Variants in PCBP3 observed in about 807,000 individuals in gnomAD.
PCBP3 encodes the protein poly(rC) binding protein 3.
In PCBP3, 25 loss-of-function variants were observed where a neutral mutation model predicts 52.7. That is an observed-to-expected ratio of 0.47 (90% confidence interval 0.35 to 0.66). PCBP3 has a LOEUF of 0.66. Ranked by LOEUF, PCBP3 falls within the 30% of genes least tolerant of loss-of-function variation. The pLI, the probability that PCBP3 is intolerant of heterozygous loss-of-function variation, is 0.01. For synonymous variants in PCBP3, 162 were observed against 183.0 expected, an observed-to-expected ratio of 0.89 and a Z score of 0.93; for missense variants, 391 against 490.3, an observed-to-expected ratio of 0.80 and a Z score of 1.91.
intron 4 of PCBP3, among the ~76,000 whole-genome samples, chr21:45,790,340 G>A (rs890912039): frequency 5.3e-5 from 8 of 152,086 alleles, no homozygotes; most frequent in African/African-American, 9.7e-5. Flanking sequence ...TGACTGCGGG[G>A]CTCTAGGCCC....
intron 2 of PCBP3, among the ~76,000 whole-genome samples, chr21:45,719,090 T>G (rs1455332786): frequency 6.6e-6 from 1 of 152,144 alleles, no homozygotes; most frequent in African/African-American, 2.4e-5. Flanking sequence ...AATTTCCGTC[T>G]TGGGTTAACC....
In PCBP3 at chr21:45,704,464, G is replaced by A. The variant is rs776179967; in HGVS notation, c.-199-30928G>A. ...CGGGCCAGCTGCAGACTGGGAGGCC[G>A]CAGCGTCTGCCCCCATTTTCCTGCT... is the stretch of plus-strand genomic sequence containing the variant. On this transcript the variant is annotated intron_variant, in intron 2 of 17. Coordinates refer to ENST00000681687, the MANE Select transcript of PCBP3 (RefSeq NM_001384156.1). This position sits in a 1 kb window ranked among gnomAD's most constrained non-coding sequence, Gnocchi z 4.1. Among the ~76,000 whole-genome samples, 33 of 152,298 alleles carry A rather than the reference G, an allele frequency of 2.2e-4. No homozygotes were observed. The highest frequency in any genetic ancestry group is 6.5e-4 in the Admixed American group (10 of 15,298).
At chr21:45,671,495 A>T (rs973195158) in intron 2 of PCBP3, among the ~76,000 whole-genome samples, 1 of 152,238 alleles carries the variant, frequency 6.6e-6, no homozygotes, top group African/African-American at 2.4e-5. Context: ...GATAAACATC[A>T]GTTCTTGGTC....
At chr21:45,644,701 G>A (rs2079142855) in intron 1 of PCBP3, among the ~76,000 whole-genome samples, 1 of 152,120 alleles carries the variant, frequency 6.6e-6, no homozygotes, top group Non-Finnish European at 1.5e-5. Flanking sequence ...TGAGCCAGTA[G>A]CACTCTTAGT....
chr21:45,801,246 G>A (rs1156450750), intron 4 of PCBP3, among the ~76,000 whole-genome samples: 3 of 152,350 alleles, frequency 2.0e-5, no homozygotes, highest in East Asian at 3.9e-4. Flanking sequence ...GCCTTGTGGG[G>A]ACCCTGGCTG....
At chr21:45,910,336 G>A (rs2096361579) in intron 10 of PCBP3, among the ~76,000 whole-genome samples, 1 of 151,622 alleles carries the variant, frequency 6.6e-6, no homozygotes, top group Admixed American at 6.6e-5. Flanking sequence ...ATGGTTCTGG[G>A]CAAGGGAGGC....
At chr21:45,765,508 C>T (rs941450641) in intron 4 of PCBP3, among the ~76,000 whole-genome samples, 1 of 152,234 alleles carries the variant, frequency 6.6e-6, no homozygotes, top group East Asian at 1.9e-4. Flanking sequence ...GCTCTCCCGG[C>T]GGGCTGGGCC....
chr21:45,760,341 A>C (rs2088510597), intron 4 of PCBP3: 1 of 152,180 alleles, frequency 6.6e-6, no homozygotes, highest in East Asian at 1.9e-4. Flanking sequence ...ATGCCTGGCT[A>C]CTAAAAGCAT....
At chr21:45,868,227 CT>C (rs1470040288) in intron 5 of PCBP3, among the ~76,000 whole-genome samples, 2 of 152,178 alleles carry the variant, frequency 1.3e-5, no homozygotes, top group African/African-American at 4.8e-5. Context: ...AGGAGAGAGC[CT>C]AGGGACAGGG....
intron 15 of PCBP3, 130 bp downstream of exon 15, chr21:45,930,975 G>A (rs141639533): frequency 0.011 from 14,902 of 1,324,958 alleles, 120 homozygotes; most frequent in Non-Finnish European, 0.013. Flanking sequence ...CCAGCCTCAG[G>A]TGCTGCCAAG....
intron 4 of PCBP3, among the ~76,000 whole-genome samples, chr21:45,825,283 A>T (rs1021230658): frequency 2.0e-5 from 3 of 152,166 alleles, no homozygotes; most frequent in Non-Finnish European, 4.4e-5. Flanking sequence ...CCTTCCTGGG[A>T]GTAAGTGGCT....
chr21:45,687,922 G>C (rs1006896400), intron 2 of PCBP3, among the ~76,000 whole-genome samples: 3 of 151,886 alleles, frequency 2.0e-5, no homozygotes, highest in Non-Finnish European at 2.9e-5. Flanking sequence ...TAGTAGAGAC[G>C]GGGTTTCACA....
At chr21:45,646,995 A>C (rs918381857) in intron 1 of PCBP3, among the ~76,000 whole-genome samples, 1 of 152,228 alleles carries the variant, frequency 6.6e-6, no homozygotes, top group East Asian at 1.9e-4. Flanking sequence ...ATCATTTTAC[A>C]TGAATCTTTT....
At chr21:45,673,788 A>G (rs140801757) in intron 2 of PCBP3, 17 of 152,326 alleles carry the variant, frequency 1.1e-4, no homozygotes, top group African/African-American at 2.6e-4. Context: ...ATGTGTTTCT[A>G]CTATAAGGTA....
intron 4 of PCBP3, among the ~76,000 whole-genome samples, chr21:45,814,977 A>AGTGAGTG (rs2092835661): frequency 2.1e-5 from 1 of 48,566 alleles, no homozygotes; most frequent in Non-Finnish European, 3.7e-5. Context: ...GTGAGTGATG[A>AGTGAGTG]GTGAGTGGTG....
At chr21:45,885,848 C>G (rs541569281) in intron 5 of PCBP3, among the ~76,000 whole-genome samples, 1 of 152,340 alleles carries the variant, frequency 6.6e-6, no homozygotes, top group Non-Finnish European at 1.5e-5. Context: ...TCAGAGGATT[C>G]CGACAGCTCT....
chr21:45,836,994 A>G (rs569936782), intron 4 of PCBP3, among the ~76,000 whole-genome samples: 1 of 152,248 alleles, frequency 6.6e-6, no homozygotes, highest in East Asian at 1.9e-4. Context: ...GCTTCCGTGG[A>G]CATTCCTGTG....
At chr21:45,920,375 G>T (rs1173365748) in intron 13 of PCBP3, among the ~76,000 whole-genome samples, 1 of 152,202 alleles carries the variant, frequency 6.6e-6, no homozygotes, top group Non-Finnish European at 1.5e-5. Flanking sequence ...CTTTTACTTC[G>T]ATTGGTGGCT....
At chr21:45,770,858 C>G (rs1041975430) in intron 4 of PCBP3, among the ~76,000 whole-genome samples, 5 of 152,252 alleles carry the variant, frequency 3.3e-5, no homozygotes, top group Non-Finnish European at 5.9e-5. Flanking sequence ...CACCCACTGC[C>G]TCCATGGCAC....
Sources: gnomAD v4.1 joint callset for allele counts (sites outside exome capture counted in the v4.1 genomes callset) on GRCh38, gnomAD v4.1.1 for gene constraint, Gnocchi (gnomAD v3.1) non-coding constraint, MANE v1.5 for transcripts, NCBI Gene and HGNC (gene_info 2026-07-23, HGNC 2026-07-21) for gene names.